Variants in NCKAP1 observed in about 807,000 individuals in gnomAD.
The protein encoded by NCKAP1 is nck-associated protein 1.
Under a neutral mutation model 151.2 loss-of-function variants are expected in NCKAP1, and 21 were observed. The observed-to-expected ratio is 0.14, with a 90% CI of 0.10 to 0.20. NCKAP1 has a LOEUF of 0.20. Among genes scored for constraint, NCKAP1 ranks in the 10% least tolerant of loss-of-function variants. NCKAP1 has a pLI of 1.00. For synonymous variants in NCKAP1, 484 were observed against 451.8 expected (o/e 1.07, Z -0.90); for missense variants, 933 against 1,352.1 (o/e 0.69, Z 4.86).
chr2:182,961,336 G>T (rs530965086), intron 18 of NCKAP1, among the ~76,000 whole-genome samples: 16 of 152,134 alleles, frequency 1.1e-4, no homozygotes, highest in Non-Finnish European at 7.3e-5. Context: ...CCAACCCAAA[G>T]GTCCAACAAT....
At chr2:182,927,735 C>A (rs546031147) in intron 29 of NCKAP1, among the ~76,000 whole-genome samples, 1 of 151,992 alleles carries the variant, frequency 6.6e-6, no homozygotes, top group Non-Finnish European at 1.5e-5. Flanking sequence ...CTCTCTTGGC[C>A]TCAATTTTCC....
Position 182,922,351 on chromosome 2 carries a change from A to G in NCKAP1, c.*3351T>C, listed in dbSNP as rs942291295. 6.6e-6 allele frequency: 1 copy of G among 152,234 alleles called. No individual in the cohort carries two copies. The highest frequency in any genetic ancestry group is 1.5e-5 in the Non-Finnish European group (1 of 68,042). The allele number at this position is 152,234 out of a possible 1,614,324, so 9.4% of individuals were successfully genotyped here. On this transcript the variant is annotated 3_prime_UTR_variant, in exon 31 of 31. Transcript: ENST00000361354. ...TTCATGTTCATTTCCTTTATTAACC[A>G]GCCTACATTAGATTTAATTTGTGAA...
rs769002520 is a variant in NCKAP1, at chr2:182,983,384, T to TTG, written c.1005-3_1005-2insCA. ...CGTCTTTCTCTGTGCATTGAACCAC[T>TTG]ATGGGGAAAGACACCATAATAGTTT... On this transcript the variant is annotated splice_region_variant and splice_polypyrimidine_tract_variant and intron_variant, in intron 10 of 30. Transcript: ENST00000361354. 1 of 1,595,124 alleles carries TTG rather than the reference T, an allele frequency of 6.3e-7. No homozygotes were observed. Among genetic ancestry groups the TTG allele is most frequent in the Non-Finnish European group, 8.6e-7 (1 of 1,164,206 alleles).
chr2:183,038,404 G>T lies in NCKAP1; in HGVS notation c.-305C>A. ...CCCCAACGAGCCGCCTTCCCCGGCT[G>T]CTCCACTAGGTGTGGCGGCGGCGGC... On this transcript the variant is annotated 5_prime_UTR_variant, in exon 1 of 31. Coordinates refer to ENST00000361354, the MANE Select transcript of NCKAP1 (RefSeq NM_013436.5). 1 of 229,642 alleles carries T rather than the reference G, an allele frequency of 4.4e-6. No homozygotes were observed. The highest frequency in any genetic ancestry group is 8.2e-6 in the Non-Finnish European group (1 of 122,284). The allele number at this position is 229,642 out of a possible 1,614,324, so 14.2% of individuals were successfully genotyped here.
intron 2 of NCKAP1, among the ~76,000 whole-genome samples, chr2:183,019,569 T>C (rs1698757729): frequency 6.6e-6 from 1 of 152,186 alleles, no homozygotes; most frequent in Admixed American, 6.5e-5. Flanking sequence ...ATTTGAGAGT[T>C]ACACTTTCAA....
At chr2:182,987,912 A>G (rs1245844893) in intron 9 of NCKAP1, among the ~76,000 whole-genome samples, 1 of 152,130 alleles carries the variant, frequency 6.6e-6, no homozygotes, top group Non-Finnish European at 1.5e-5. Context: ...GCATGGCAGT[A>G]CCGACCAGAA....
In NCKAP1 at chr2:182,994,822, T is replaced by C. The variant is rs1559098230; in HGVS notation, c.790+17A>G. The C allele has an allele frequency of 1.3e-6, 2 of 1,588,274 alleles. No individual in the cohort carries two copies. The highest frequency in any genetic ancestry group is 2.2e-5 in the East Asian group (1 of 44,720). Reference sequence around the variant, plus strand: ...AAAGCCTGGGGAGTAATCATAACACTAACCCATTTTACTTACAGATAATCC... The same window carrying C: ...AAAGCCTGGGGAGTAATCATAACACCAACCCATTTTACTTACAGATAATCC... On this transcript the variant is annotated intron_variant, in intron 8 of 30. Coordinates refer to ENST00000361354, the MANE Select transcript of NCKAP1 (RefSeq NM_013436.5).
chr2:182,998,085 C>T (rs1326288854), intron 6 of NCKAP1, among the ~76,000 whole-genome samples: 4 of 152,126 alleles, frequency 2.6e-5, no homozygotes, highest in Non-Finnish European at 5.9e-5. Context: ...ACCATATGAT[C>T]ATCTCAATAG....
At chr2:182,984,465 A>G (rs1698009802) in intron 10 of NCKAP1, among the ~76,000 whole-genome samples, 1 of 137,210 alleles carries the variant, frequency 7.3e-6, no homozygotes, top group Non-Finnish European at 1.7e-5. Context: ...CTATGCCAAA[A>G]ACCCAAGTAT....
At chr2:182,959,468 C>G (rs1306333632) in intron 18 of NCKAP1, among the ~76,000 whole-genome samples, 2 of 152,162 alleles carry the variant, frequency 1.3e-5, no homozygotes, top group Admixed American at 1.3e-4. Context: ...AGCATATAAA[C>G]AGAACCAACG....
At chr2:183,029,420 T>C (rs1698962343) in intron 1 of NCKAP1, among the ~76,000 whole-genome samples, 1 of 151,582 alleles carries the variant, frequency 6.6e-6, no homozygotes, top group Non-Finnish European at 1.5e-5. Context: ...TAACTTTACA[T>C]GGTTAATGTT....
intron 23 of NCKAP1, among the ~76,000 whole-genome samples, chr2:182,942,380 A>C (rs1465437445): frequency 6.6e-6 from 1 of 152,190 alleles, no homozygotes; most frequent in Admixed American, 6.5e-5. Context: ...TCAAGAAGGA[A>C]GGAGTTCAGG....
rs892817169 is a variant in NCKAP1 at position 182,912,679 on chromosome 2, A to C, written c.*13023T>G. The C allele has an allele frequency of 1.3e-5, 2 of 152,244 alleles. No homozygotes were observed. Among genetic ancestry groups the C allele is most frequent in the African/African-American group, 4.8e-5 (2 of 41,470 alleles). The allele number at this position is 152,244 out of a possible 1,614,324, so 9.4% of individuals were successfully genotyped here. A position where few individuals can be genotyped will look rare whatever the true frequency, so the allele number is the denominator to read the frequency against. ...AATAAAAATGGAATTTGAATGTTAG[A>C]GTGCAACCTGACAAAATGATTTATT... On this transcript the variant is annotated 3_prime_UTR_variant, in exon 31 of 31. Transcript: ENST00000361354.
rs188811136 is a variant in NCKAP1, at chr2:182,982,392, T to C, written c.1208+429A>G. 5.9e-5 allele frequency among the ~76,000 whole-genome samples: 9 copies of C among 152,298 alleles called. No homozygotes were observed. The East Asian group carries it at 1.7e-3, about 29-fold the overall frequency. ...AGCCCACAAATCAGAATATAGATGG[T>C]GCACAACTTACAGTGATTTGGATGT... On this transcript the variant is annotated intron_variant, in intron 12 of 30. Transcript: ENST00000361354.
At chr2:183,010,575 A>G (rs1460775081) in intron 2 of NCKAP1, among the ~76,000 whole-genome samples, 1 of 152,272 alleles carries the variant, frequency 6.6e-6, no homozygotes, top group Admixed American at 6.5e-5. Flanking sequence ...TATCAAGTTC[A>G]GCAATATAGA....
chr2:183,037,784 T>TCGGC (rs1305314517), intron 1 of NCKAP1, among the ~76,000 whole-genome samples: 3 of 151,730 alleles, frequency 2.0e-5, no homozygotes, highest in African/African-American at 7.3e-5. Flanking sequence ...TTCTCTGCCT[T>TCGGC]CGGCCGGCCG....
chr2:182,935,303 G>A lies in NCKAP1; in HGVS notation c.2768C>T (p.Ala923Val). ...GTAATGGTTTCTTACATCTCTAAGT[G>A]CTTCTTGTGCCAATGATCGGAAGGA... ...ILSFRSLAQE[A>V]LRDVLSYHIP... The change falls in exon 25 of 31, where the codon GCA becomes GTA. Residue 923 changes from alanine to valine, a missense_variant. Around this residue, in one of 2 missense-constraint regions of NCKAP1, gnomAD observed 326 missense variants for 557.1 expected, o/e 0.59. Transcript: ENST00000361354. The A allele has an allele frequency of 6.3e-7, 1 of 1,586,006 alleles. No homozygotes were observed. Among genetic ancestry groups the A allele is most frequent in the Non-Finnish European group, 8.6e-7 (1 of 1,167,504 alleles).
At chr2:182,954,168 CCTGA>C (rs201942818) in intron 20 of NCKAP1, among the ~76,000 whole-genome samples, 2,459 of 152,238 alleles carry the variant, frequency 0.016, 57 homozygotes, top group African/African-American at 0.043. Flanking sequence ...CGCAGATCTG[CCTGA>C]CTTAGTGCTG....
chr2:182,960,195 T>C (rs1458495876), intron 18 of NCKAP1, among the ~76,000 whole-genome samples: 1 of 152,206 alleles, frequency 6.6e-6, no homozygotes, highest in African/African-American at 2.4e-5. Flanking sequence ...CCCATCAAGC[T>C]ACCAATGACT....
Sources: gnomAD v4.1 joint callset for allele counts (sites outside exome capture counted in the v4.1 genomes callset) on GRCh38, gnomAD v4.1.1 for gene constraint, gnomAD v4.1.1 regional missense constraint, MANE v1.5 for transcripts, NCBI Gene and HGNC (gene_info 2026-07-23, HGNC 2026-07-21) for gene names.